C2orf15: variants seen among roughly 807,000 people sequenced by gnomAD.
C2orf15 encodes chromosome 2 open reading frame 15.
A neutral mutation model predicts 4.4 loss-of-function variants in C2orf15; 3 were observed. That is an observed-to-expected ratio of 0.67 (90% CI 0.31 to 1.74). The LOEUF (loss-of-function observed/expected upper bound fraction) is 1.74, where lower values mean the gene tolerates loss of function less well. C2orf15 is among the 40% of genes most tolerant of loss of function. C2orf15 has a pLI of 0.09. For synonymous variants in C2orf15, 37 were observed against 36.8 expected, an observed-to-expected ratio of 1.00 and a Z score of -0.02; for missense variants, 90 against 103.3, an observed-to-expected ratio of 0.87 and a Z score of 0.56.
rs1403750866 is a variant in C2orf15 at position 99,151,024 on chromosome 2, G to A, written c.*190G>A. ...TTATTCAAAAGGCAGTTGCTTTAGG[G>A]TGAAAAAGCCTTCCAAGATTCAAAG... On this transcript the variant is annotated 3_prime_UTR_variant, in exon 4 of 4. Transcript: ENST00000650052. 2.2e-6 allele frequency: 1 copy of A among 450,330 alleles called. No individual in the cohort carries two copies. The highest frequency in any genetic ancestry group is 4.0e-6 in the Non-Finnish European group (1 of 251,054). The allele number at this position is 450,330 out of a possible 1,614,324, so 27.9% of individuals were successfully genotyped here.
chr2:99,149,451 T>TC (rs2093666701), intron 3 of C2orf15, among the ~76,000 whole-genome samples: 1 of 150,858 alleles, frequency 6.6e-6, no homozygotes, highest in Admixed American at 6.6e-5. Flanking sequence ...TCTTTTTTTT[T>TC]TTTTTTTTTA....
At position 99,151,297 on chromosome 2, in the gene C2orf15, A is replaced by C. The variant is rs2093691332; in HGVS notation, c.*463A>C. On this transcript the variant is annotated 3_prime_UTR_variant, in exon 4 of 4. Transcript: ENST00000650052. ...GCCAATATGGTGAGACCCCATCTCTACTAAAAATGCAAAAAGTTAGCCAGG... is the reference window on the plus strand; with the variant it reads ...GCCAATATGGTGAGACCCCATCTCTCCTAAAAATGCAAAAAGTTAGCCAGG... The C allele has an allele frequency of 6.6e-6, 1 of 152,290 alleles. No individual in the cohort carries two copies. 9.4% of individuals were successfully genotyped at this position (152,290 alleles called of 1,614,324 possible). A position where few individuals can be genotyped will look rare whatever the true frequency, so the allele number is the denominator to read the frequency against.
intron 2 of C2orf15, among the ~76,000 whole-genome samples, chr2:99,146,166 C>T (rs773381477): frequency 4.6e-5 from 7 of 152,116 alleles, no homozygotes; most frequent in Non-Finnish European, 8.8e-5. Context: ...GCCTGTAATC[C>T]CAGCTACTCG....
intron 2 of C2orf15, among the ~76,000 whole-genome samples, chr2:99,144,700 T>C (rs2093614615): frequency 6.9e-6 from 1 of 144,016 alleles, no homozygotes; most frequent in South Asian, 2.3e-4. Context: ...ATAAGTCTGG[T>C]CTCTGTTACT....
At position 99,150,992 on chromosome 2, in the gene C2orf15, A is replaced by G. The variant is rs1032282244; in HGVS notation, c.*158A>G. 1.6e-5 allele frequency: 8 copies of G among 510,070 alleles called. No individual in the cohort carries two copies. Among genetic ancestry groups the G allele is most frequent in the Middle Eastern group, 4.3e-4 (1 of 2,328 alleles). 31.6% of individuals were successfully genotyped at this position (510,070 alleles called of 1,614,324 possible). A position where few individuals can be genotyped will look rare whatever the true frequency, so the allele number is the denominator to read the frequency against. Reference sequence around the variant, plus strand: ...GAATCATCTTACACTGCATTTTTTTATGATGCTTATTCAAAAGGCAGTTGC... The same window carrying G: ...GAATCATCTTACACTGCATTTTTTTGTGATGCTTATTCAAAAGGCAGTTGC... On this transcript the variant is annotated 3_prime_UTR_variant, in exon 4 of 4. Transcript: ENST00000650052.
rs925763908 is a variant in C2orf15, at chr2:99,148,809, A to G, written c.-77+1316A>G. Among the ~76,000 whole-genome samples the G allele has an allele frequency of 1.5e-4, 23 of 152,102 alleles. 1 individual carries two copies. Among genetic ancestry groups the G allele is most frequent in the Admixed American group, 1.5e-3 (23 of 15,274 alleles). ...AACATGGGGAAACCCCGTCTCTACT[A>G]AAAATACAAACGTTAGAGTTTCTGT... On this transcript the variant is annotated intron_variant, in intron 3 of 3. Transcript: ENST00000650052.
intron 2 of C2orf15, among the ~76,000 whole-genome samples, chr2:99,146,270 GT>G (rs2093631008): frequency 6.6e-6 from 1 of 152,266 alleles, no homozygotes; most frequent in Non-Finnish European, 1.5e-5. Flanking sequence ...TTAATTATCT[GT>G]TTGGGATTCC....
chr2:99,147,577 T>G lies in C2orf15; in HGVS notation c.-77+84T>G, dbSNP rs985978011. The G allele has an allele frequency of 2.6e-6, 3 of 1,154,198 alleles. No homozygotes were observed. The African/African-American group carries it at 4.5e-5, about 17-fold the overall frequency. The allele number at this position is 1,154,198 out of a possible 1,614,324, so 71.5% of individuals were successfully genotyped here. A position where few individuals can be genotyped will look rare whatever the true frequency, so the allele number is the denominator to read the frequency against. ...TTAGATTGAAGTTTAATGTGCAAAT[T>G]GATAATTATATGTTACCATTCTTTT... On this transcript the variant is annotated intron_variant, in intron 3 of 3. Transcript: ENST00000650052.
intron 2 of C2orf15, among the ~76,000 whole-genome samples, chr2:99,146,190 G>A (rs2093630077): frequency 6.6e-6 from 1 of 152,230 alleles, no homozygotes; most frequent in South Asian, 2.1e-4. Context: ...GGCCTCAGCA[G>A]GAGAATCATG....
chr2:99,148,460 A>G (rs770504965), intron 3 of C2orf15: 2 of 152,220 alleles, frequency 1.3e-5, no homozygotes, highest in Non-Finnish European at 2.9e-5. Context: ...CCTAATTGTT[A>G]TATTAATATT....
At position 99,147,511 on chromosome 2, in the gene C2orf15, AAG is replaced by A; in HGVS notation, c.-77+19_-77+20del. ...AAGTTAAGGTAAGACTCACAGGGCC[AAG>A]TCTACCCTATTATACTTGGTTCCTC... On this transcript the variant is annotated intron_variant, in intron 3 of 3. Transcript: ENST00000650052. 1 of 1,612,380 alleles carries A rather than the reference AAG, an allele frequency of 6.2e-7. No homozygotes were observed. The highest frequency in any genetic ancestry group is 8.5e-7 in the Non-Finnish European group (1 of 1,178,434).
chr2:99,150,626 A>G lies in C2orf15; in HGVS notation c.68A>G (p.Asp23Gly). ...ATACATATGGATTCAAAAGTGGATGATCACTTAATACGAGGGACTGAAAAA... is the reference window on the plus strand; with the variant it reads ...ATACATATGGATTCAAAAGTGGATGGTCACTTAATACGAGGGACTGAAAAA... ...SAIHMDSKVD[D>G]HLIRGTEKSR... The change falls in exon 4 of 4, where the codon GAT becomes GGT. Residue 23 changes from aspartate (D) to glycine (G), a missense_variant. Physicochemically the swap from Asp to Gly is moderately conservative, Grantham distance 94 (BLOSUM62 -1). Coordinates refer to ENST00000650052, the MANE Select transcript of C2orf15 (RefSeq NM_144706.4). 1.9e-6 allele frequency: 3 copies of G among 1,614,122 alleles called. No individual in the cohort carries two copies. Among genetic ancestry groups the G allele is most frequent in the African/African-American group, 2.7e-5 (2 of 75,044 alleles).
rs2093689100 is a variant in C2orf15, at chr2:99,151,099, A to T, written c.*265A>T. On this transcript the variant is annotated 3_prime_UTR_variant, in exon 4 of 4. Transcript: ENST00000650052. ...ATCCTTCTTAAAAACCAGAGTTTTT[A>T]AGTAACAGTATTTGAATGGCATCAA... is the stretch of plus-strand genomic sequence containing the variant. The T allele has an allele frequency of 3.5e-6, 1 of 285,746 alleles. No individual in the cohort carries two copies. Among genetic ancestry groups the T allele is most frequent in the East Asian group, 6.2e-5 (1 of 16,194 alleles). 17.7% of individuals were successfully genotyped at this position (285,746 alleles called of 1,614,324 possible).
At chr2:99,147,717 T>C (rs1316273699) in intron 3 of C2orf15, among the ~76,000 whole-genome samples, 1 of 152,218 alleles carries the variant, frequency 6.6e-6, no homozygotes, top group African/African-American at 2.4e-5. Flanking sequence ...TAATAATATG[T>C]AGAACAACTT....
chr2:99,149,145 G>A (rs2093662105), intron 3 of C2orf15, among the ~76,000 whole-genome samples: 1 of 147,562 alleles, frequency 6.8e-6, no homozygotes, highest in African/African-American at 2.5e-5. Context: ...ACTCCAGCCT[G>A]GGTGAAAGGG....
In C2orf15 at chr2:99,150,965, G is replaced by A. The variant is rs1385490942; in HGVS notation, c.*131G>A. 9 of 620,718 alleles carry A rather than the reference G, an allele frequency of 1.4e-5. No individual in the cohort carries two copies. The African/African-American group carries it at 1.7e-4, about 12-fold the overall frequency. 38.5% of individuals were successfully genotyped at this position (620,718 alleles called of 1,614,324 possible). A position where few individuals can be genotyped will look rare whatever the true frequency, so the allele number is the denominator to read the frequency against. ...ACTATTGCCTTATTTTGCACTATTTGTGAATCATCTTACACTGCATTTTTT... is the reference window on the plus strand; with the variant it reads ...ACTATTGCCTTATTTTGCACTATTTATGAATCATCTTACACTGCATTTTTT... On this transcript the variant is annotated 3_prime_UTR_variant, in exon 4 of 4. Coordinates refer to ENST00000650052, the MANE Select transcript of C2orf15 (RefSeq NM_144706.4).
At chr2:99,145,357 AG>A (rs1036601121) in intron 2 of C2orf15, among the ~76,000 whole-genome samples, 1 of 152,154 alleles carries the variant, frequency 6.6e-6, no homozygotes, top group Non-Finnish European at 1.5e-5. Flanking sequence ...CAGGAGTTCA[AG>A]ACCAGCCTGT....
Position 99,150,493 on chromosome 2 carries a change from G to C in C2orf15, c.-66G>C. 3 of 1,407,892 alleles carry C rather than the reference G, an allele frequency of 2.1e-6. No homozygotes were observed. The highest frequency in any genetic ancestry group is 2.9e-6 in the Non-Finnish European group (3 of 1,037,784). 87.2% of individuals were successfully genotyped at this position (1,407,892 alleles called of 1,614,324 possible). A position where few individuals can be genotyped will look rare whatever the true frequency, so the allele number is the denominator to read the frequency against. ...TTTTTTTTTTTTCAGTAATCAAGTT[G>C]AAGAAACACTTCCACTACTTAAAAA... On this transcript the variant is annotated 5_prime_UTR_variant, in exon 4 of 4. Transcript: ENST00000650052.
intron 3 of C2orf15, among the ~76,000 whole-genome samples, chr2:99,149,205 G>A (rs1219339729): frequency 1.3e-5 from 2 of 150,208 alleles, no homozygotes; most frequent in African/African-American, 4.9e-5. Context: ...GATTTCGATC[G>A]AAGCTGTGGA....
Sources: allele counts gnomAD v4.1 joint callset (sites outside exome capture counted in the v4.1 genomes callset), GRCh38; gene constraint gnomAD v4.1.1; transcripts MANE v1.5; gene names NCBI Gene and HGNC (gene_info 2026-07-23, HGNC 2026-07-21).